Variants in PSG9 observed in about 807,000 individuals in gnomAD.
The protein encoded by PSG9 is pregnancy-specific beta-1-glycoprotein 9.
PSG9 carries 49 observed loss-of-function variants against 41.9 expected under a neutral mutation model. The observed-to-expected ratio is 1.17, with a 90% confidence interval of 0.93 to 1.48. PSG9 has a LOEUF of 1.48. PSG9 is among the 40% of genes most tolerant of loss of function. PSG9 has a pLI of 0.00. For synonymous variants in PSG9, 263 were observed against 196.8 expected (o/e 1.34, Z -2.82); for missense variants, 641 against 520.3 (o/e 1.23, Z -2.26).
At chr19:43,266,863 T>A (rs1047816363) in intron 2 of PSG9, among the ~76,000 whole-genome samples, 1 of 152,168 alleles carries the variant, frequency 6.6e-6, no homozygotes. Flanking sequence ...TGCACCTTCC[T>A]GTGCCTCAGT....
chr19:43,259,000 A>G lies in PSG9; in HGVS notation c.845T>C (p.Val282Ala). The change falls in exon 4 of 6, where the codon GTC (valine) becomes GCC (alanine). Residue 282 changes from valine (V) to alanine (A), a missense_variant. Transcript: ENST00000270077. ...IWWLNGQSLP[V>A]SPGVKRPIEN... Reference sequence around the variant, plus strand: ...AATGGGTCGCTTTACCCCGGGACTGACGGGGAGGCTCTGACCGTTTAGCCA... The same window carrying G: ...AATGGGTCGCTTTACCCCGGGACTGGCGGGGAGGCTCTGACCGTTTAGCCA... 1 of 1,590,574 alleles carries G rather than the reference A, an allele frequency of 6.3e-7. No individual in the cohort carries two copies. Among genetic ancestry groups the G allele is most frequent in the Admixed American group, 1.7e-5 (1 of 58,654 alleles).
At chr19:43,257,463 G>C in intron 5 of PSG9, 1 of 944,226 alleles carries the variant, frequency 1.1e-6, no homozygotes, top group Non-Finnish European at 1.3e-6. Flanking sequence ...ATCAGTCACT[G>C]TCCTCCGTGC....
chr19:43,259,236 C>T lies in PSG9; in HGVS notation c.710-101G>A, dbSNP rs1599823210. 9.3e-6 allele frequency: 14 copies of T among 1,502,818 alleles called. 2 individuals carry two copies. The highest frequency in any genetic ancestry group is 3.9e-5 in the South Asian group (3 of 77,324). 93.1% of individuals were successfully genotyped at this position (1,502,818 alleles called of 1,614,324 possible). On this transcript the variant is annotated intron_variant, in intron 3 of 5. Transcript: ENST00000270077. The stretch of plus-strand genomic sequence containing the variant: ...GGCATCTCCCACCTCTCAGCCCACC[C>T]GAGTCCTTGAAAGCCAATAGCTGGT...
At chr19:43,266,141 A>T (rs8109809) in intron 2 of PSG9, among the ~76,000 whole-genome samples, 19,566 of 151,126 alleles carry the variant, frequency 0.13, 1,799 homozygotes, top group East Asian at 0.36. Context: ...GCAGTGAGGG[A>T]GACACTGACT....
chr19:43,253,818 T>A (rs1200685203), intron 5 of PSG9, among the ~76,000 whole-genome samples, 172 bp from the exon 6 acceptor site: 2 of 146,666 alleles, frequency 1.4e-5, no homozygotes, highest in Non-Finnish European at 3.0e-5. Context: ...GCCTTGCAAA[T>A]ACTCTTAGAA....
chr19:43,258,416 A>G lies in PSG9; in HGVS notation c.1029T>C (p.Tyr343=), dbSNP rs146686055. The change falls in exon 5 of 6, where the codon TAT becomes TAC. Residue 343 remains tyrosine, a synonymous_variant. Transcript: ENST00000270077. ...AGTCGAGGTTTTCTCCTGAACGGTA[A>G]TAGGTGAATGAAGGGTAAATTCTGG... ...DLPRIYPSFT[Y]YRSGENLDLS... 5 of 1,588,350 alleles carry G rather than the reference A, an allele frequency of 3.1e-6. No homozygotes were observed. In the African/African-American group the frequency reaches 5.7e-5, roughly 18 times the overall value.
chr19:43,267,699 A>G, intron 2 of PSG9, 85 bp downstream of exon 2: 1 of 1,582,834 alleles, frequency 6.3e-7, no homozygotes, highest in Non-Finnish European at 8.7e-7. Context: ...TGACACAGGC[A>G]GAGTCCAGGC....
intron 2 of PSG9, 59 bp downstream of exon 2, chr19:43,267,725 G>A (rs1677655685): frequency 6.2e-7 from 1 of 1,605,928 alleles, no homozygotes; most frequent in Admixed American, 1.7e-5. Context: ...AATCCTGTGT[G>A]TGTGAAGTAG....
At chr19:43,258,514 G>T (rs777162773) in intron 4 of PSG9, 58 bp from the exon 5 acceptor site, 2 of 1,507,274 alleles carry the variant, frequency 1.3e-6, no homozygotes, top group Non-Finnish European at 1.8e-6. Context: ...GGATGTTCCT[G>T]GTCTCTTAAA....
intron 2 of PSG9, among the ~76,000 whole-genome samples, chr19:43,264,815 G>C (rs919566548): frequency 1.3e-5 from 2 of 152,148 alleles, no homozygotes; most frequent in Non-Finnish European, 2.9e-5. Context: ...CTTAGTGTTA[G>C]AACTGAGTGA....
chr19:43,253,781 G>C (rs1968351308), intron 5 of PSG9, 135 bp from the exon 6 acceptor site: 1 of 555,134 alleles, frequency 1.8e-6, no homozygotes, highest in Non-Finnish European at 3.1e-6. Context: ...AACTCTAATG[G>C]GTGGCTGGTT....
At position 43,269,488 on chromosome 19, in the gene PSG9, G is replaced by C; in HGVS notation, c.-57C>G. ...GAGATGAGCCTGGGATCCAGAAGCTGTCTGAGCACGGCTGTCAGCTGTGCT... is the reference window on the plus strand; with the variant it reads ...GAGATGAGCCTGGGATCCAGAAGCTCTCTGAGCACGGCTGTCAGCTGTGCT... On this transcript the variant is annotated 5_prime_UTR_variant, in exon 1 of 6. Coordinates refer to ENST00000270077, the MANE Select transcript of PSG9 (RefSeq NM_002784.5). 2 of 1,605,568 alleles carry C rather than the reference G, an allele frequency of 1.2e-6. No individual in the cohort carries two copies. The highest frequency in any genetic ancestry group is 1.3e-5 in the African/African-American group (1 of 74,674).
At chr19:43,254,200 A>G (rs1245006138) in intron 5 of PSG9, among the ~76,000 whole-genome samples, 2 of 146,368 alleles carry the variant, frequency 1.4e-5, no homozygotes, top group East Asian at 4.7e-4. Context: ...TTTAAGCCAC[A>G]CAATAACCCT....
Position 43,258,345 on chromosome 19 carries a change from G to C in PSG9, c.1100C>G (p.Thr367Arg). 1 of 1,592,934 alleles carries C rather than the reference G, an allele frequency of 6.3e-7. No homozygotes were observed. The highest frequency in any genetic ancestry group is 8.5e-7 in the Non-Finnish European group (1 of 1,174,596). Residue 367 changes from threonine (T) to arginine (R), a missense_variant, in exon 5 of 6, where the codon ACA becomes AGA. Thr to Arg is a moderately conservative substitution (Grantham distance 71). Coordinates refer to ENST00000270077, the MANE Select transcript of PSG9 (RefSeq NM_002784.5). ...ESNPPAEYFW[T>R]INGKFQQSGQ... The stretch of plus-strand genomic sequence containing the variant: ...TGATTGCTGAAACTTCCCATTAATT[G>C]TCCAAAAATACTCTGCCGGTGGGTT...
At chr19:43,262,926 A>G (rs1021674111) in intron 2 of PSG9, among the ~76,000 whole-genome samples, 3 of 152,192 alleles carry the variant, frequency 2.0e-5, no homozygotes, top group African/African-American at 7.2e-5. Flanking sequence ...GACCATGTGG[A>G]TCTTTCTAGA....
At chr19:43,260,621 G>C (rs1968666315) in intron 3 of PSG9, 1 of 144,108 alleles carries the variant, frequency 6.9e-6, no homozygotes, top group South Asian at 2.2e-4. Flanking sequence ...TATTTTCTTT[G>C]TCATCAGAAC....
In PSG9 at chr19:43,267,997, T is replaced by C. The variant is rs542764489; in HGVS notation, c.217A>G (p.Thr73Ala). ...PGYFWYKGEM[T>A]DLYHYIISYI... ...GATATAATGTAATGGTAGAGGTCCG[T>C]CATTTCCCCTTTGTACCAGAAGTAG... Residue 73 changes from threonine to alanine, a missense_variant, in exon 2 of 6, where the codon ACG (threonine) becomes GCG (alanine). Thr to Ala is a moderately conservative substitution (Grantham distance 58). Transcript: ENST00000270077. The C allele has an allele frequency of 2.5e-6, 4 of 1,613,886 alleles. No individual in the cohort carries two copies. In the African/African-American group the frequency reaches 5.3e-5, roughly 22 times the overall value.
rs146391099 is a variant in PSG9, at chr19:43,253,877, G to T, written c.1244-231C>A. 1.8e-4 allele frequency among the ~76,000 whole-genome samples: 26 copies of T among 146,360 alleles called. 6 individuals carry two copies. The East Asian group carries it at 6.2e-3, about 35-fold the overall frequency. On this transcript the variant is annotated intron_variant, in intron 5 of 5. Transcript: ENST00000270077. ...TTCTCTTTCTTTTTCACAGGAATCAGCTCTGCATAGTGTTCTGTGGGTTCT... is the reference window on the plus strand; with the variant it reads ...TTCTCTTTCTTTTTCACAGGAATCATCTCTGCATAGTGTTCTGTGGGTTCT...
At chr19:43,259,292 C>T in intron 3 of PSG9, 157 bp from the exon 4 acceptor site, 1 of 1,316,822 alleles carries the variant, frequency 7.6e-7, no homozygotes, top group Non-Finnish European at 1.0e-6. Flanking sequence ...GCATGATGAT[C>T]TAAGGGCTCA....
Sources: gnomAD v4.1 joint callset for allele counts (sites outside exome capture counted in the v4.1 genomes callset) on GRCh38, gnomAD v4.1.1 for gene constraint, MANE v1.5 for transcripts, NCBI Gene and HGNC (gene_info 2026-07-23, HGNC 2026-07-21) for gene names.